ATOSA: variants seen among roughly 807,000 people sequenced by gnomAD.
The protein encoded by ATOSA is atos homolog protein A.
At chr15:52,652,176 T>C in the ATOSA span, 1 of 834,492 alleles carries the variant, frequency 1.2e-6, no homozygotes, top group Non-Finnish European at 1.6e-6. Flanking sequence ...AGCACTGTCA[T>C]GTTTTCTTTG....
chr15:52,703,640 C>T, the ATOSA span, among the ~76,000 whole-genome samples: 383 of 149,704 alleles, frequency 2.6e-3, 5 homozygotes, highest in East Asian at 0.052. Flanking sequence ...TTATTCATTG[C>T]AGTATAGGAG....
the ATOSA span, among the ~76,000 whole-genome samples, chr15:52,624,613 A>T: frequency 6.6e-6 from 1 of 152,374 alleles, no homozygotes; most frequent in South Asian, 2.1e-4. Context: ...GGAAAAATTC[A>T]GCACGATTTG....
At chr15:52,708,483 G>A in the ATOSA span, among the ~76,000 whole-genome samples, 17 of 152,062 alleles carry the variant, frequency 1.1e-4, no homozygotes, top group Non-Finnish European at 2.2e-4. Flanking sequence ...TGGAGTTCAA[G>A]GTGTGGGGGG....
chr15:52,595,746 T>A, the ATOSA span, among the ~76,000 whole-genome samples: 1 of 152,054 alleles, frequency 6.6e-6, no homozygotes, highest in African/African-American at 2.4e-5. Context: ...AATGAACAAT[T>A]GACAATTAAT....
At chr15:52,677,609 TTTCTC>T in the ATOSA span, among the ~76,000 whole-genome samples, 1 of 152,204 alleles carries the variant, frequency 6.6e-6, no homozygotes, top group African/African-American at 2.4e-5. Flanking sequence ...AAGCTTAAGT[TTTCTC>T]TTCATTTTAT....
the ATOSA span, among the ~76,000 whole-genome samples, chr15:52,665,835 A>G: frequency 6.6e-6 from 1 of 152,208 alleles, no homozygotes; most frequent in Non-Finnish European, 1.5e-5. Flanking sequence ...AAGAAGTATA[A>G]ATTGGCCAAA....
chr15:52,586,918 AC>A, the ATOSA span: 5 of 648,650 alleles, frequency 7.7e-6, no homozygotes, highest in Non-Finnish European at 1.2e-5. Context: ...AGTTATGCAA[AC>A]TGTCATATGC....
the ATOSA span, among the ~76,000 whole-genome samples, chr15:52,621,450 A>G: frequency 6.6e-6 from 1 of 152,262 alleles, no homozygotes; most frequent in Non-Finnish European, 1.5e-5. Flanking sequence ...TATATTTTTA[A>G]TTAATCAGAG....
At chr15:52,700,185 T>C in the ATOSA span, among the ~76,000 whole-genome samples, 1 of 152,186 alleles carries the variant, frequency 6.6e-6, no homozygotes, top group Non-Finnish European at 1.5e-5. Context: ...TGGTGAGACT[T>C]TACATACCAA....
At chr15:52,702,740 G>A in the ATOSA span, among the ~76,000 whole-genome samples, 18 of 133,528 alleles carry the variant, frequency 1.3e-4, no homozygotes, top group African/African-American at 5.1e-4. Context: ...ACCTGTACAT[G>A]TATCCCCTGA....
chr15:52,613,851 AGAGTATCT>A, the ATOSA span: 2 of 1,613,338 alleles, frequency 1.2e-6, no homozygotes, highest in Non-Finnish European at 1.7e-6. Flanking sequence ...ATATTCATCC[AGAGTATCT>A]GATATAAAAA....
the ATOSA span, among the ~76,000 whole-genome samples, chr15:52,640,357 G>T: frequency 6.6e-6 from 1 of 151,774 alleles, no homozygotes. Flanking sequence ...GCTGAGGTTA[G>T]GAGTTCAAGA....
the ATOSA span, among the ~76,000 whole-genome samples, chr15:52,653,598 G>C: frequency 6.6e-6 from 1 of 152,108 alleles, no homozygotes; most frequent in Non-Finnish European, 1.5e-5. Flanking sequence ...TTCAAAACAT[G>C]AATCTGCCAT....
the ATOSA span, among the ~76,000 whole-genome samples, chr15:52,620,614 T>G: frequency 7.2e-5 from 11 of 152,282 alleles, no homozygotes; most frequent in Admixed American, 6.5e-4. Context: ...GGAAGAGGCG[T>G]GGGAACAACT....
chr15:52,636,077 A>C, the ATOSA span, among the ~76,000 whole-genome samples: 1 of 147,284 alleles, frequency 6.8e-6, no homozygotes, highest in Admixed American at 6.8e-5. Flanking sequence ...TTAAAATATT[A>C]AATTAAAATA....
chr15:52,702,466 A>G, the ATOSA span, among the ~76,000 whole-genome samples: 1 of 152,200 alleles, frequency 6.6e-6, no homozygotes, highest in Non-Finnish European at 1.5e-5. Flanking sequence ...AGCAACATGG[A>G]TGCAGCTGGA....
chr15:52,709,261 T>C, the ATOSA span, among the ~76,000 whole-genome samples: 1 of 152,190 alleles, frequency 6.6e-6, no homozygotes, highest in African/African-American at 2.4e-5. Flanking sequence ...GCCCAGAGCC[T>C]CTTTCCTAAT....
the ATOSA span, chr15:52,608,572 A>G: frequency 6.4e-7 from 1 of 1,564,066 alleles, no homozygotes; most frequent in African/African-American, 1.4e-5. Context: ...ACTTACCAAT[A>G]CCTCTGTATT....
the ATOSA span, among the ~76,000 whole-genome samples, chr15:52,669,962 T>C: frequency 4.5e-4 from 68 of 152,290 alleles, no homozygotes; most frequent in African/African-American, 1.6e-3. Flanking sequence ...CATCAGCCTC[T>C]TTCTAGTTCC....
Sources: gnomAD v4.1 joint callset for allele counts (sites outside exome capture counted in the v4.1 genomes callset) on GRCh38, gnomAD v4.1.1 for gene constraint, MANE v1.5 for transcripts, NCBI Gene and HGNC (gene_info 2026-07-23, HGNC 2026-07-21) for gene names.